Variants in GALNT13 observed in about 807,000 individuals in gnomAD.
GALNT13 encodes the protein UDP-GalNAc:polypeptide N-acetylgalactosaminyltransferase 13.
GALNT13 carries 28 observed loss-of-function variants against 64.2 expected under a neutral mutation model. The ratio of observed to expected loss-of-function variants is 0.44; its 90% confidence interval spans 0.32 to 0.60. GALNT13 has a LOEUF of 0.60. Ranked by LOEUF, GALNT13 falls within the 20% of genes least tolerant of loss-of-function variation. The pLI is 0.05. For synonymous variants in GALNT13, 214 were observed against 224.6 expected (o/e 0.95, Z 0.42); for missense variants, 577 against 669.8 (o/e 0.86, Z 1.53).
chr2:153,987,975 A>G (rs1224553469), intron 3 of GALNT13, among the ~76,000 whole-genome samples: 1 of 151,830 alleles, frequency 6.6e-6, no homozygotes, highest in Non-Finnish European at 1.5e-5. Context: ...GAAGAGCACC[A>G]TAGAACAGAA....
chr2:153,625,631 A>T, the GALNT13 span, among the ~76,000 whole-genome samples: 3 of 152,122 alleles, frequency 2.0e-5, no homozygotes, highest in East Asian at 5.8e-4. Context: ...TTTTGGCTCC[A>T]TGCTCCAAGA....
At chr2:154,390,655 G>T (rs1698746708) in intron 9 of GALNT13, among the ~76,000 whole-genome samples, 1 of 152,064 alleles carries the variant, frequency 6.6e-6, no homozygotes, top group South Asian at 2.1e-4. Context: ...TGGATTCCAT[G>T]AAAAGACAGC....
chr2:153,489,980 T>TACACACACACACACACAC, the GALNT13 span, among the ~76,000 whole-genome samples: 1 of 147,872 alleles, frequency 6.8e-6, no homozygotes, highest in African/African-American at 2.5e-5. Context: ...GGCCCTGTTT[T>TACACACACACACACACAC]ACACACACAC....
intron 4 of GALNT13, among the ~76,000 whole-genome samples, chr2:154,148,117 T>G (rs780490423): frequency 6.6e-6 from 1 of 152,002 alleles, no homozygotes; most frequent in Non-Finnish European, 1.5e-5. Flanking sequence ...GATGTTCCCC[T>G]TTCTGTGTCC....
intron 11 of GALNT13, chr2:154,435,873 A>G (rs1700940181): frequency 6.6e-6 from 1 of 152,192 alleles, no homozygotes; most frequent in Non-Finnish European, 1.5e-5. Flanking sequence ...AACATGAAAA[A>G]AATTTTAATA....
intron 11 of GALNT13, among the ~76,000 whole-genome samples, chr2:154,410,000 A>G (rs1699723038): frequency 1.3e-5 from 2 of 151,950 alleles, no homozygotes; most frequent in African/African-American, 4.8e-5. Context: ...GGAGAACATT[A>G]AAAGGAAGTT....
At chr2:153,433,347 T>C in the GALNT13 span, among the ~76,000 whole-genome samples, 1 of 152,202 alleles carries the variant, frequency 6.6e-6, no homozygotes, top group Middle Eastern at 3.2e-3. Context: ...TTATTTCCCC[T>C]TGATTTAATG....
At chr2:153,933,158 A>G (rs1690652630) in intron 2 of GALNT13, among the ~76,000 whole-genome samples, 1 of 152,102 alleles carries the variant, frequency 6.6e-6, no homozygotes. Flanking sequence ...TGTTGAGTTC[A>G]GGTCCTGAAT....
the GALNT13 span, among the ~76,000 whole-genome samples, chr2:153,099,510 G>C: frequency 2.4e-4 from 37 of 152,040 alleles, no homozygotes; most frequent in African/African-American, 8.7e-4. Context: ...TGCTAATAAA[G>C]GCAGGCAAAT....
the GALNT13 span, among the ~76,000 whole-genome samples, chr2:153,386,082 T>G: frequency 2.0e-5 from 3 of 151,942 alleles, no homozygotes; most frequent in Non-Finnish European, 4.4e-5. Flanking sequence ...GGGGGGTTTT[T>G]TGTAGAAAGC....
chr2:153,478,568 C>A, the GALNT13 span: 1 of 1,566,942 alleles, frequency 6.4e-7, no homozygotes, highest in Non-Finnish European at 8.6e-7. Flanking sequence ...GGATTCATCG[C>A]AGGAACGGGC....
intron 3 of GALNT13, among the ~76,000 whole-genome samples, chr2:154,115,717 G>A (rs979628429): frequency 6.6e-5 from 10 of 151,992 alleles, no homozygotes; most frequent in East Asian, 5.8e-4. Flanking sequence ...CACCATGCCC[G>A]GCCTATTAGA....
the GALNT13 span, among the ~76,000 whole-genome samples, chr2:153,110,344 C>G: frequency 8.6e-5 from 13 of 152,002 alleles, no homozygotes; most frequent in African/African-American, 3.1e-4. Context: ...TGAGGATGGA[C>G]AAAAAGAATC....
chr2:154,316,215 A>T (rs957648343), intron 9 of GALNT13, among the ~76,000 whole-genome samples: 1 of 152,220 alleles, frequency 6.6e-6, no homozygotes, highest in Non-Finnish European at 1.5e-5. Flanking sequence ...CAGAATTGTC[A>T]TTAGTAAGTG....
intron 9 of GALNT13, among the ~76,000 whole-genome samples, chr2:154,315,246 T>C (rs958514955): frequency 1.3e-5 from 2 of 152,162 alleles, no homozygotes; most frequent in Non-Finnish European, 2.9e-5. Flanking sequence ...CCTCAGGATA[T>C]TAATACAAAT....
chr2:153,860,290 C>A, the GALNT13 span, among the ~76,000 whole-genome samples: 1 of 152,212 alleles, frequency 6.6e-6, no homozygotes, highest in East Asian at 1.9e-4. Flanking sequence ...ACAGATCATG[C>A]TTCTATTCCT....
chr2:154,023,638 C>T (rs376044996), intron 3 of GALNT13, among the ~76,000 whole-genome samples: 25 of 152,148 alleles, frequency 1.6e-4, no homozygotes, highest in Admixed American at 1.6e-3. Flanking sequence ...TGGGTCTTGA[C>T]TCTTTATCCA....
chr2:154,104,095 C>T lies in GALNT13; in HGVS notation c.143-36242C>T, dbSNP rs953606151. ...CTACACCAGCTTGGGTGCAGACGGA[C>T]ACATGATCCACTTCTCTATCATGCT... On this transcript the variant is annotated intron_variant, in intron 3 of 12. Coordinates refer to ENST00000392825, the MANE Select transcript of GALNT13 (RefSeq NM_052917.4). Among the ~76,000 whole-genome samples the T allele has an allele frequency of 7.2e-5, 11 of 151,900 alleles. 1 individual carries two copies. Among genetic ancestry groups the T allele is most frequent in the Admixed American group, 3.9e-4 (6 of 15,242 alleles).
At chr2:154,042,695 CATATAT>C (rs70981696) in intron 3 of GALNT13, among the ~76,000 whole-genome samples, 10,880 of 107,896 alleles carry the variant, frequency 0.1, 2,168 homozygotes, top group Middle Eastern at 0.29. Context: ...TATCATTATG[CATATAT>C]ATATATATAT....
Sources: gnomAD v4.1 joint callset for allele counts (sites outside exome capture counted in the v4.1 genomes callset) on GRCh38, gnomAD v4.1.1 for gene constraint, MANE v1.5 for transcripts, NCBI Gene and HGNC (gene_info 2026-07-23, HGNC 2026-07-21) for gene names.